The following MKRN1 variants were observed in gnomAD, a reference collection of about 807,000 sequenced individuals.
MKRN1 encodes the protein E3 ubiquitin-protein ligase makorin-1.
In MKRN1, 9 loss-of-function variants were observed where a neutral mutation model predicts 55.5. That is an observed-to-expected ratio of 0.16 (90% CI 0.10 to 0.28). The LOEUF is 0.28. MKRN1 is among the 10% of genes least tolerant of loss of function. The pLI is 1.00. For synonymous variants in MKRN1, 253 were observed against 235.9 expected (o/e 1.07, Z -0.66); for missense variants, 488 against 626.7 (o/e 0.78, Z 2.36).
intron 2 of MKRN1, among the ~76,000 whole-genome samples, chr7:140,468,085 C>T (rs1010686058): frequency 6.6e-6 from 1 of 151,606 alleles, no homozygotes; most frequent in Non-Finnish European, 1.5e-5. Flanking sequence ...TCCATCTACA[C>T]AGTCCATTCA....
chr7:140,456,425 C>CGA, intron 5 of MKRN1: 1 of 1,373,872 alleles, frequency 7.3e-7, no homozygotes, highest in Non-Finnish European at 9.4e-7. Flanking sequence ...AGAAAAAGCA[C>CGA]GAAGATTCTA....
At chr7:140,467,070 C>T (rs1192611373) in intron 2 of MKRN1, among the ~76,000 whole-genome samples, 2 of 152,082 alleles carry the variant, frequency 1.3e-5, no homozygotes, top group Non-Finnish European at 2.9e-5. Context: ...ATCCACCTCC[C>T]GGGTTCAAGT....
chr7:140,478,516 C>G (rs969400384), intron 1 of MKRN1: 3 of 147,218 alleles, frequency 2.0e-5, no homozygotes, highest in Non-Finnish European at 2.9e-5. Context: ...GACCCCGGCC[C>G]CCGAACGCCT....
chr7:140,475,526 T>TG (rs1795095770), intron 1 of MKRN1, among the ~76,000 whole-genome samples: 1 of 151,196 alleles, frequency 6.6e-6, no homozygotes, highest in Admixed American at 6.6e-5. Context: ...TAGCCTGGGG[T>TG]GGTGGCACGT....
At position 140,462,324 on chromosome 7, in the gene MKRN1, C is replaced by T. The variant is rs916884902; in HGVS notation, c.315-2388G>A. ...GCATGAGCCACCGTGCTCGGCACAC[C>T]GAGTTTTATTCAGATGCTATGTATT... is the stretch of plus-strand genomic sequence containing the variant. On this transcript the variant is annotated intron_variant, in intron 2 of 7. Coordinates refer to ENST00000255977, the MANE Select transcript of MKRN1 (RefSeq NM_013446.4). Among the ~76,000 whole-genome samples, 13 of 152,074 alleles carry T rather than the reference C, an allele frequency of 8.5e-5. 1 individual carries two copies. The East Asian group carries it at 2.1e-3, about 25-fold the overall frequency.
In MKRN1 at chr7:140,477,389, T is replaced by C. The variant is rs192784159; in HGVS notation, c.185+1771A>G. On this transcript the variant is annotated intron_variant, in intron 1 of 7. Transcript: ENST00000255977. The stretch of plus-strand genomic sequence containing the variant: ...CAGGCTGGAGTGAAGTGGTGTGATA[T>C]TGGCTCACCGCAACCTCTGCCTCCT... 7.2e-3 allele frequency among the ~76,000 whole-genome samples: 1,092 copies of C among 152,248 alleles called. 15 individuals are homozygous for C. The highest frequency in any genetic ancestry group is 0.024 in the African/African-American group (996 of 41,522).
chr7:140,460,029 C>G, intron 2 of MKRN1, 93 bp from the exon 3 acceptor site: 1 of 1,123,564 alleles, frequency 8.9e-7, no homozygotes, highest in Non-Finnish European at 1.3e-6. Context: ...GGTGGATCAC[C>G]AGAGAGGTTG....
At chr7:140,468,931 G>A (rs1794844153) in intron 2 of MKRN1, among the ~76,000 whole-genome samples, 1 of 152,042 alleles carries the variant, frequency 6.6e-6, no homozygotes, top group Non-Finnish European at 1.5e-5. Flanking sequence ...ATAAACAGAT[G>A]TGGGATGACT....
intron 2 of MKRN1, among the ~76,000 whole-genome samples, chr7:140,470,463 T>C (rs984881410): frequency 1.3e-5 from 2 of 151,280 alleles, no homozygotes; most frequent in East Asian, 3.9e-4. Context: ...CGGGCGCCTG[T>C]AATCCCAGCT....
At chr7:140,472,881 G>C (rs1038342307) in intron 1 of MKRN1, among the ~76,000 whole-genome samples, 3 of 151,440 alleles carry the variant, frequency 2.0e-5, no homozygotes, top group African/African-American at 7.3e-5. Context: ...ACTTTGGGAG[G>C]CCAAGGCGGA....
intron 2 of MKRN1, among the ~76,000 whole-genome samples, chr7:140,468,340 G>A (rs535899968): frequency 1.9e-4 from 29 of 152,106 alleles, no homozygotes; most frequent in Non-Finnish European, 3.1e-4. Flanking sequence ...ACAAAGATTC[G>A]TCCATTCACC....
chr7:140,476,978 G>A (rs925716270), intron 1 of MKRN1, among the ~76,000 whole-genome samples: 1 of 151,694 alleles, frequency 6.6e-6, no homozygotes, highest in Non-Finnish European at 1.5e-5. Flanking sequence ...AGCTACTAAG[G>A]CATCTGTAAT....
chr7:140,455,318 A>G (rs1371071906), intron 6 of MKRN1, 85 bp from the exon 7 acceptor site: 1 of 1,543,756 alleles, frequency 6.5e-7, no homozygotes, highest in Non-Finnish European at 8.8e-7. Context: ...TTAAACAGGT[A>G]GGGATAGAAC....
intron 1 of MKRN1, 172 bp downstream of exon 1, chr7:140,478,988 T>C (rs1439866013): frequency 1.2e-6 from 1 of 801,846 alleles, no homozygotes; most frequent in Non-Finnish European, 1.7e-6. Context: ...ACGCAGTGAC[T>C]GGGGGAACGC....
At chr7:140,473,277 G>A (rs1342830059) in intron 1 of MKRN1, 1 of 451,702 alleles carries the variant, frequency 2.2e-6, no homozygotes, top group Non-Finnish European at 4.4e-6. Context: ...GAAAACCTGG[G>A]CCATATATTA....
rs1246721001 is a variant in MKRN1 at position 140,479,503 on chromosome 7, C to T, written c.-159G>A. The T allele has an allele frequency of 2.7e-6, 2 of 747,946 alleles. No homozygotes were observed. The highest frequency in any genetic ancestry group is 8.7e-5 in the Admixed American group (2 of 23,034). 46.3% of individuals were successfully genotyped at this position (747,946 alleles called of 1,614,324 possible). On this transcript the variant is annotated 5_prime_UTR_variant, in exon 1 of 8. Coordinates refer to ENST00000255977, the MANE Select transcript of MKRN1 (RefSeq NM_013446.4). ...GCTACGCGTCGCGTATCTGAGCGCT[C>T]TCGCCACTTCAACTGCGGGCCCAGA...
intron 1 of MKRN1, among the ~76,000 whole-genome samples, chr7:140,477,738 G>A (rs1795169037): frequency 6.6e-6 from 1 of 152,192 alleles, no homozygotes; most frequent in African/African-American, 2.4e-5. Context: ...GATTACAGGC[G>A]TGAGCCACCA....
intron 7 of MKRN1, 127 bp downstream of exon 7, chr7:140,454,968 C>T (rs540800441): frequency 3.0e-6 from 4 of 1,353,842 alleles, no homozygotes; most frequent in African/African-American, 2.9e-5. Context: ...TTTGTTTCCT[C>T]CTTTAATACT....
chr7:140,456,491 A>G, intron 5 of MKRN1, 161 bp downstream of exon 5: 1 of 1,440,668 alleles, frequency 6.9e-7, no homozygotes. Context: ...ACTAACCTAG[A>G]AGCTAGCTGA....
Sources: allele counts gnomAD v4.1 joint callset (sites outside exome capture counted in the v4.1 genomes callset), GRCh38; gene constraint gnomAD v4.1.1; transcripts MANE v1.5; gene names NCBI Gene and HGNC (gene_info 2026-07-23, HGNC 2026-07-21).